The following NLRC5 variants were observed in gnomAD, a reference collection of about 807,000 sequenced individuals.
NLRC5 encodes the protein protein NLRC5.
In NLRC5, 114 loss-of-function variants were observed where a neutral mutation model predicts 206.9. That is an observed-to-expected ratio of 0.55 (90% CI 0.47 to 0.64). The LOEUF is 0.64. NLRC5 is among the 30% of genes least tolerant of loss of function. NLRC5 has a pLI of 0.00. For missense variants in NLRC5, 2,008 were observed against 2,305.5 expected (o/e 0.87, Z 2.64); for synonymous variants, 952 against 962.8 (o/e 0.99, Z 0.21).
intron 43 of NLRC5, among the ~76,000 whole-genome samples, chr16:57,078,344 T>C (rs1318770172): frequency 6.6e-6 from 1 of 151,992 alleles, no homozygotes; most frequent in Non-Finnish European, 1.5e-5. Flanking sequence ...TGAGGGCGAA[T>C]GAGAAATCCT....
At chr16:57,014,619 T>A (rs1298822816) in intron 1 of NLRC5, among the ~76,000 whole-genome samples, 1 of 152,236 alleles carries the variant, frequency 6.6e-6, no homozygotes, top group Non-Finnish European at 1.5e-5. Context: ...GTACATAAAG[T>A]GCTGTTGTTT....
In NLRC5 at chr16:57,025,156, C is replaced by T. The variant is rs377355342; in HGVS notation, c.425-212C>T. Among the ~76,000 whole-genome samples, 12 of 152,322 alleles carry T rather than the reference C, an allele frequency of 7.9e-5. No individual in the cohort carries two copies. In the South Asian group the frequency reaches 2.5e-3, roughly 32 times the overall value. On this transcript the variant is annotated intron_variant, in intron 5 of 48. Coordinates refer to ENST00000688547, the MANE Select transcript of NLRC5 (RefSeq NM_001384950.1). Reference sequence around the variant, plus strand: ...CATTCCCACCTGCCTGTTTAAATAGCTACCGGAGAGCCTATGCTCCCTTAG... The same window carrying T: ...CATTCCCACCTGCCTGTTTAAATAGTTACCGGAGAGCCTATGCTCCCTTAG...
intron 38 of NLRC5, 69 bp downstream of exon 38, chr16:57,070,687 G>GT: frequency 7.3e-7 from 1 of 1,361,512 alleles, no homozygotes; most frequent in Non-Finnish European, 1.0e-6. Context: ...AAGTGGGTGA[G>GT]TGGTGGGGTT....
intron 36 of NLRC5, among the ~76,000 whole-genome samples, chr16:57,068,425 G>C (rs1460717804): frequency 2.3e-5 from 3 of 131,256 alleles, no homozygotes; most frequent in African/African-American, 7.7e-5. Flanking sequence ...AGCGAGGCTC[G>C]GTTTCCGAAA....
chr16:57,007,612 C>T (rs12149727), intron 1 of NLRC5, among the ~76,000 whole-genome samples: 17 of 151,996 alleles, frequency 1.1e-4, no homozygotes, highest in Admixed American at 5.9e-4. Flanking sequence ...TGCCTGTAAT[C>T]CCAGCTATTG....
At chr16:57,075,421 T>C (rs1181382454) in intron 39 of NLRC5, among the ~76,000 whole-genome samples, 1 of 152,134 alleles carries the variant, frequency 6.6e-6, no homozygotes, top group African/African-American at 2.4e-5. Flanking sequence ...TGTTTCTCCA[T>C]GTTGGTCAGG....
intron 27 of NLRC5, among the ~76,000 whole-genome samples, chr16:57,056,831 G>T (rs543989853): frequency 6.6e-6 from 1 of 151,962 alleles, no homozygotes; most frequent in East Asian, 2.0e-4. Flanking sequence ...GCTAATTTTG[G>T]TATTTTTAGT....
intron 11 of NLRC5, among the ~76,000 whole-genome samples, chr16:57,032,174 C>G (rs777736090): frequency 6.6e-6 from 1 of 152,042 alleles, no homozygotes; most frequent in African/African-American, 2.4e-5. Flanking sequence ...CTTTGGAACG[C>G]CAAGCACGAG....
chr16:57,076,125 G>A (rs7202086), intron 39 of NLRC5: 26,824 of 158,828 alleles, frequency 0.17, 2,729 homozygotes, highest in African/African-American at 0.28. Flanking sequence ...CATGTTGGCC[G>A]GGCTGGTCTC....
At chr16:57,021,964 T>TA (rs2060724273) in intron 3 of NLRC5, among the ~76,000 whole-genome samples, 1 of 152,218 alleles carries the variant, frequency 6.6e-6, no homozygotes, top group Non-Finnish European at 1.5e-5. Context: ...GGTATGTGCG[T>TA]AAACCCATGT....
At position 57,029,356 on chromosome 16, in the gene NLRC5, C is replaced by T. The variant is rs150403117; in HGVS notation, c.2244-417C>T. ...AGAGAGGAATGCGCTTGGCTCAGGG[C>T]TCTGGGTGAGTCAGGGCCACAGCCG... On this transcript the variant is annotated intron_variant, in intron 8 of 48. Transcript: ENST00000688547. Among the ~76,000 whole-genome samples, 652 of 152,286 alleles carry T rather than the reference C, an allele frequency of 4.3e-3. 2 individuals carry two copies. Among genetic ancestry groups the T allele is most frequent in the Non-Finnish European group, 7.4e-3 (501 of 68,012 alleles).
chr16:57,055,017 T>C lies in NLRC5; in HGVS notation c.3597-15T>C. On this transcript the variant is annotated splice_polypyrimidine_tract_variant and intron_variant, in intron 25 of 48. Transcript: ENST00000688547. ...TGTGGCCACAGCTGTCTGACCCAGG[T>C]CCTGTCTGATCCAGGTCCCTGCACC... 1 of 1,614,152 alleles carries C rather than the reference T, an allele frequency of 6.2e-7. No individual in the cohort carries two copies. The highest frequency in any genetic ancestry group is 1.3e-5 in the African/African-American group (1 of 75,048).
chr16:57,027,071 G>C (rs562722116), intron 6 of NLRC5, 53 bp downstream of exon 6: 1 of 1,567,996 alleles, frequency 6.4e-7, no homozygotes, highest in Middle Eastern at 1.7e-4. Context: ...TGGGGGAGCA[G>C]AGGCCAACCA....
rs118052018 is a variant in NLRC5 at position 57,051,142 on chromosome 16, A to G, written c.3423-396A>G. On this transcript the variant is annotated intron_variant, in intron 23 of 48. Coordinates refer to ENST00000688547, the MANE Select transcript of NLRC5 (RefSeq NM_001384950.1). ...CCAAAGTGCTGCGATTACAGGCATG[A>G]GCCACCATGCCCAGCTGCATTCTTT... Among the ~76,000 whole-genome samples the G allele has an allele frequency of 2.6e-3, 397 of 152,304 alleles. 1 individual carries two copies. The highest frequency in any genetic ancestry group is 4.7e-3 in the Non-Finnish European group (322 of 68,028).
At chr16:56,990,686 C>T (rs1391749373) in intron 1 of NLRC5, 3 of 152,164 alleles carry the variant, frequency 2.0e-5, no homozygotes, top group African/African-American at 7.2e-5. Flanking sequence ...CTCTAAAACC[C>T]GGGGGTAGCA....
chr16:57,056,692 T>C (rs1230604185), intron 27 of NLRC5, among the ~76,000 whole-genome samples: 1 of 152,142 alleles, frequency 6.6e-6, no homozygotes, highest in Non-Finnish European at 1.5e-5. Context: ...GGAGTCTTTC[T>C]CTGCTGCCCA....
chr16:57,016,352 C>T (rs1479525646), intron 1 of NLRC5, among the ~76,000 whole-genome samples: 1 of 152,142 alleles, frequency 6.6e-6, no homozygotes, highest in African/African-American at 2.4e-5. Context: ...CAGAATGTGC[C>T]CTATTTACGT....
At chr16:57,060,866 GT>G (rs1466617502) in intron 30 of NLRC5, among the ~76,000 whole-genome samples, 2 of 152,214 alleles carry the variant, frequency 1.3e-5, no homozygotes, top group Admixed American at 6.5e-5. Context: ...CTGCCCCGAG[GT>G]TCACTGGGCC....
intron 13 of NLRC5, among the ~76,000 whole-genome samples, chr16:57,035,216 A>C (rs2143170574): frequency 6.6e-6 from 1 of 152,122 alleles, no homozygotes; most frequent in South Asian, 2.1e-4. Flanking sequence ...GTAGCGCTCA[A>C]AACTATCCTC....
Sources: gnomAD v4.1 joint callset for allele counts (sites outside exome capture counted in the v4.1 genomes callset) on GRCh38, gnomAD v4.1.1 for gene constraint, MANE v1.5 for transcripts, NCBI Gene and HGNC (gene_info 2026-07-23, HGNC 2026-07-21) for gene names.